CYGB: variants seen among roughly 807,000 people sequenced by gnomAD.
CYGB encodes the protein cytoglobin, also known as histoglobin.
CYGB carries 13 observed loss-of-function variants against 20.7 expected under a neutral mutation model. The observed-to-expected ratio is 0.63, with a 90% CI of 0.41 to 1.00. The LOEUF is 1.00. Among genes scored for constraint, CYGB ranks in the 50% least tolerant of loss-of-function variants. The probability of loss-of-function intolerance (pLI) is 0.00; values close to 1 mark genes in which losing one functional copy is unlikely to be tolerated. For synonymous variants in CYGB, 93 were observed against 107.4 expected, an observed-to-expected ratio of 0.87 and a Z score of 0.83; for missense variants, 218 against 257.2, an observed-to-expected ratio of 0.85 and a Z score of 1.04.
At chr17:76,543,629 C>T (rs1483359639) in intron 1 of CYGB, among the ~76,000 whole-genome samples, 1 of 152,234 alleles carries the variant, frequency 6.6e-6, no homozygotes, top group Non-Finnish European at 1.5e-5. Flanking sequence ...CCCACCATGG[C>T]AGGCGGCCTC....
chr17:76,543,972 G>T, intron 1 of CYGB: 3 of 464,390 alleles, frequency 6.5e-6, no homozygotes, highest in South Asian at 4.7e-5. Flanking sequence ...GGGCAGTAGC[G>T]TGTGGGAAGG....
chr17:76,537,699 G>GGT lies in CYGB; in HGVS notation c.-159_-158dup, dbSNP rs550286728. ...AGGGAGCGTGTGTCTGTGCGCGCCGGGTGTGTGTGTGTGTGTGCGTGCGTG... is the reference window on the plus strand; with the variant it reads ...AGGGAGCGTGTGTCTGTGCGCGCCGGGTGTGTGTGTGTGTGTGTGCGTGCGTG... On this transcript the variant is annotated 5_prime_UTR_variant, in exon 1 of 4. Transcript: ENST00000293230. 4,892 of 553,944 alleles carry GGT rather than the reference G, an allele frequency of 8.8e-3. 158 individuals are homozygous for GGT. The highest frequency in any genetic ancestry group is 0.075 in the African/African-American group (3,558 of 47,180). The allele number at this position is 553,944 out of a possible 1,614,324, so 34.3% of individuals were successfully genotyped here. A position where few individuals can be genotyped will look rare whatever the true frequency, so the allele number is the denominator to read the frequency against.
chr17:76,537,916 G>C (rs1034791147), upstream of CYGB: 2 of 150,916 alleles, frequency 1.3e-5, no homozygotes, highest in South Asian at 2.1e-4. Context: ...CGCAGGCCAC[G>C]GCGGAGTTGC....
In CYGB at chr17:76,530,530, G is replaced by A. The variant is rs1801660306; in HGVS notation, c.539+449C>T. Among the ~76,000 whole-genome samples the A allele has an allele frequency of 6.6e-6, 1 of 152,164 alleles. No homozygotes were observed. The highest frequency in any genetic ancestry group is 2.1e-4 in the South Asian group (1 of 4,830). Reference sequence around the variant, plus strand: ...ATCCTCCGGGCTCTAGCCCTATTGAGGCAGAGGGCATTTAGCAGCACTGGT... The same window carrying A: ...ATCCTCCGGGCTCTAGCCCTATTGAAGCAGAGGGCATTTAGCAGCACTGGT... On this transcript the variant is annotated intron_variant, in intron 3 of 3. Transcript: ENST00000293230. The surrounding 1 kb of genome is among the most constrained non-coding windows in gnomAD (Gnocchi z 6.1).
chr17:76,542,411 A>T, upstream of CYGB: 1 of 957,884 alleles, frequency 1.0e-6, no homozygotes. Flanking sequence ...ACACTGTCCT[A>T]AATGCCAACT....
At position 76,534,146 on chromosome 17, in the gene CYGB, T is replaced by TTCTCTCTCTCTCTCTCTCTCTC. The variant is rs71158013; in HGVS notation, c.144-2477_144-2456dup. Among the ~76,000 whole-genome samples the TTCTCTCTCTCTCTCTCTCTCTC allele has an allele frequency of 1.9e-3, 251 of 128,966 alleles. 2 individuals are homozygous for TTCTCTCTCTCTCTCTCTCTCTC. Among genetic ancestry groups the TTCTCTCTCTCTCTCTCTCTCTC allele is most frequent in the Middle Eastern group, 4.1e-3 (1 of 246 alleles). 84.6% of individuals were successfully genotyped at this position (128,966 alleles called of 152,430 possible). A position where few individuals can be genotyped will look rare whatever the true frequency, so the allele number is the denominator to read the frequency against. ...TCTTTCTTTCTCTCTCTCTTTCTCTTTCTCTCTCTCTCTCTCTCTCTCTCT... is the reference window on the plus strand; with the variant it reads ...TCTTTCTTTCTCTCTCTCTTTCTCTTTCTCTCTCTCTCTCTCTCTCTCTCTCTCTCTCTCTCTCTCTCTCTCT... On this transcript the variant is annotated intron_variant, in intron 1 of 3. Coordinates refer to ENST00000293230, the MANE Select transcript of CYGB (RefSeq NM_134268.5).
rs990322181 is a variant in CYGB at position 76,533,420 on chromosome 17, A to G, written c.144-1729T>C. ...CATCTCAGACTTTGGAGGTTTTACA[A>G]TTGCAATAAAAAATAATGATATGGC... On this transcript the variant is annotated intron_variant, in intron 1 of 3. Coordinates refer to ENST00000293230, the MANE Select transcript of CYGB (RefSeq NM_134268.5). The surrounding 1 kb of genome is among the most constrained non-coding windows in gnomAD (Gnocchi z 4.5). Among the ~76,000 whole-genome samples the G allele has an allele frequency of 5.9e-5, 9 of 152,194 alleles. No individual in the cohort carries two copies. Among genetic ancestry groups the G allele is most frequent in the African/African-American group, 2.2e-4 (9 of 41,446 alleles).
In CYGB at chr17:76,530,454, T is replaced by C. The variant is rs1368447955; in HGVS notation, c.539+525A>G. 6.6e-6 allele frequency among the ~76,000 whole-genome samples: 1 copy of C among 152,128 alleles called. No homozygotes were observed. The highest frequency in any genetic ancestry group is 1.5e-5 in the Non-Finnish European group (1 of 68,002). On this transcript the variant is annotated intron_variant, in intron 3 of 3. Transcript: ENST00000293230. The surrounding 1 kb of genome is among the most constrained non-coding windows in gnomAD (Gnocchi z 6.1). ...CTCGTGTGCGTGTGAGCGACACCCA[T>C]GTAGCTTCCTCGTGGGCTGGGGTGT...
Position 76,528,421 on chromosome 17 carries a change from G to T in CYGB, c.*157C>A, listed in dbSNP as rs985678787. On this transcript the variant is annotated 3_prime_UTR_variant, in exon 4 of 4. Coordinates refer to ENST00000293230, the MANE Select transcript of CYGB (RefSeq NM_134268.5). This position sits in a 1 kb window ranked among gnomAD's most constrained non-coding sequence, Gnocchi z 5.8. ...CAGCGCCGCCTCCCAGCAGCTCCAG[G>T]GGGGGACCCTGGCCGCCACAGAGGC... The T allele has an allele frequency of 3.0e-6, 2 of 657,764 alleles. No individual in the cohort carries two copies. Among genetic ancestry groups the T allele is most frequent in the Non-Finnish European group, 4.4e-6 (2 of 455,004 alleles). 40.7% of individuals were successfully genotyped at this position (657,764 alleles called of 1,614,324 possible).
chr17:76,529,252 TA>T (rs1325673813), intron 3 of CYGB: 2 of 985,162 alleles, frequency 2.0e-6, no homozygotes, highest in Non-Finnish European at 2.4e-6. Flanking sequence ...CCAGGGACAC[TA>T]GGGGTGGGCT....
In CYGB at chr17:76,527,364, G is replaced by A. The variant is rs140859162; in HGVS notation, c.*1214C>T. On this transcript the variant is annotated 3_prime_UTR_variant, in exon 4 of 4. Coordinates refer to ENST00000293230, the MANE Select transcript of CYGB (RefSeq NM_134268.5). ...GCACGAGTGTGCACAGGTACAGCAA[G>A]AACGGGTCTGTTTAATGACACAGCT... is the stretch of plus-strand genomic sequence containing the variant. The A allele has an allele frequency of 5.7e-6, 2 of 353,762 alleles. No individual in the cohort carries two copies. Among genetic ancestry groups the A allele is most frequent in the Non-Finnish European group, 1.1e-5 (2 of 178,120 alleles). 21.9% of individuals were successfully genotyped at this position (353,762 alleles called of 1,614,324 possible). A position where few individuals can be genotyped will look rare whatever the true frequency, so the allele number is the denominator to read the frequency against.
At position 76,530,141 on chromosome 17, in the gene CYGB, C is replaced by G. The variant is rs572295893; in HGVS notation, c.539+838G>C. 90 of 955,942 alleles carry G rather than the reference C, an allele frequency of 9.4e-5. No homozygotes were observed. The highest frequency in any genetic ancestry group is 6.9e-4 in the East Asian group (6 of 8,662). 59.2% of individuals were successfully genotyped at this position (955,942 alleles called of 1,614,324 possible). On this transcript the variant is annotated intron_variant, in intron 3 of 3. Transcript: ENST00000293230. This position sits in a 1 kb window ranked among gnomAD's most constrained non-coding sequence, Gnocchi z 6.1. The stretch of plus-strand genomic sequence containing the variant: ...ACCACGGGAATGTTTCTCTACCACG[C>G]GTGTCCCGGGCTGCTGGCTGACCTC...
rs1394640993 is a variant in CYGB at position 76,531,427 on chromosome 17, G to A, written c.375+33C>T. 4.4e-6 allele frequency: 7 copies of A among 1,590,012 alleles called. No individual in the cohort carries two copies. The highest frequency in any genetic ancestry group is 1.3e-5 in the African/African-American group (1 of 74,562). Reference sequence around the variant, plus strand: ...CTGCAGATGGCCATGACGCGTGGGCGGTGGGGGCTCTGCAGCAGATGGGGG... The same window carrying A: ...CTGCAGATGGCCATGACGCGTGGGCAGTGGGGGCTCTGCAGCAGATGGGGG... On this transcript the variant is annotated intron_variant, in intron 2 of 3. Coordinates refer to ENST00000293230, the MANE Select transcript of CYGB (RefSeq NM_134268.5). The surrounding 1 kb of genome is among the most constrained non-coding windows in gnomAD (Gnocchi z 7.4).
At chr17:76,538,421 CT>C, upstream of CYGB, 1 of 446,126 alleles carries the variant, frequency 2.2e-6, no homozygotes, top group Non-Finnish European at 4.7e-6. Context: ...GCCCCCTCTC[CT>C]TCCGCCCAGC....
chr17:76,538,159 G>GAGGCCGACCGCC (rs1283830589), upstream of CYGB: 1 of 158,934 alleles, frequency 6.3e-6, no homozygotes, highest in Admixed American at 6.5e-5. Context: ...CTTTCGCGGC[G>GAGGCCGACCGCC]AGGCCGACCG....
At chr17:76,545,597 G>C (rs900319900) in intron 1 of CYGB, 1 of 341,856 alleles carries the variant, frequency 2.9e-6, no homozygotes, top group Non-Finnish European at 5.8e-6. Flanking sequence ...TCCTGGGTTT[G>C]AACCTTGTTC....
Position 76,527,749 on chromosome 17 carries a change from C to G in CYGB, c.*829G>C, listed in dbSNP as rs780799906. On this transcript the variant is annotated 3_prime_UTR_variant, in exon 4 of 4. Transcript: ENST00000293230. ...GGCCAAGGCAGGTGGAGCTAGCGGT[C>G]GAGGTTTCTGGACTGAGGCCCCTCC... 95 of 453,914 alleles carry G rather than the reference C, an allele frequency of 2.1e-4. No homozygotes were observed. The highest frequency in any genetic ancestry group is 3.9e-4 in the Non-Finnish European group (88 of 226,750). 28.1% of individuals were successfully genotyped at this position (453,914 alleles called of 1,614,324 possible).
In CYGB at chr17:76,530,142, G is replaced by GCA; in HGVS notation, c.539+836_539+837insTG. 1.0e-6 allele frequency: 1 copy of GCA among 965,482 alleles called. No individual in the cohort carries two copies. Among genetic ancestry groups the GCA allele is most frequent in the Middle Eastern group, 5.3e-4 (1 of 1,876 alleles). The allele number at this position is 965,482 out of a possible 1,614,324, so 59.8% of individuals were successfully genotyped here. On this transcript the variant is annotated intron_variant, in intron 3 of 3. Transcript: ENST00000293230. The surrounding 1 kb of genome is among the most constrained non-coding windows in gnomAD (Gnocchi z 6.1). ...CCACGGGAATGTTTCTCTACCACGC[G>GCA]TGTCCCGGGCTGCTGGCTGACCTCT...
chr17:76,529,296 C>T, intron 3 of CYGB: 1 of 985,454 alleles, frequency 1.0e-6, no homozygotes, highest in Non-Finnish European at 1.2e-6. Context: ...GACCACCCCA[C>T]CACTTGACAG....
Sources: gnomAD v4.1 joint callset for allele counts (sites outside exome capture counted in the v4.1 genomes callset) on GRCh38, gnomAD v4.1.1 for gene constraint, Gnocchi (gnomAD v3.1) non-coding constraint, MANE v1.5 for transcripts, NCBI Gene and HGNC (gene_info 2026-07-23, HGNC 2026-07-21) for gene names.